CNTN5: variants seen among roughly 807,000 people sequenced by gnomAD.
The protein encoded by CNTN5 is contactin-5.
In CNTN5, 77 loss-of-function variants were observed where a neutral mutation model predicts 129.1. That is an observed-to-expected ratio of 0.60 (90% CI 0.50 to 0.72). The LOEUF is 0.72. Ranked by LOEUF, CNTN5 falls within the 30% of genes least tolerant of loss-of-function variation. The pLI is 0.00. For synonymous variants in CNTN5, 509 were observed against 465.6 expected (o/e 1.09, Z -1.20); for missense variants, 1,478 against 1,328.8 (o/e 1.11, Z -1.75).
chr11:99,558,151 A>G (rs1397273655), intron 3 of CNTN5: 1 of 189,840 alleles, frequency 5.3e-6, no homozygotes, highest in Non-Finnish European at 1.1e-5. Flanking sequence ...ATGGTTACTT[A>G]AAAAAGAAAT....
At chr11:99,372,225 TGA>T (rs1183016620) in intron 2 of CNTN5, among the ~76,000 whole-genome samples, 3 of 152,228 alleles carry the variant, frequency 2.0e-5, no homozygotes, top group African/African-American at 4.8e-5. Flanking sequence ...TTTATGTATG[TGA>T]GTTTCCATTT....
intron 23 of CNTN5, among the ~76,000 whole-genome samples, chr11:100,344,157 T>C (rs1952227992): frequency 6.6e-6 from 1 of 152,062 alleles, no homozygotes; most frequent in African/African-American, 2.4e-5. Flanking sequence ...AAATGCATAT[T>C]GTGTGGAGGT....
chr11:99,897,769 A>G (rs1403624883), intron 6 of CNTN5, among the ~76,000 whole-genome samples: 1 of 152,176 alleles, frequency 6.6e-6, no homozygotes, highest in Admixed American at 6.6e-5. Context: ...TAACAACACT[A>G]TGTCAGGAAT....
chr11:100,271,711 T>C (rs530434928), intron 18 of CNTN5, among the ~76,000 whole-genome samples: 1 of 152,318 alleles, frequency 6.6e-6, no homozygotes, highest in East Asian at 1.9e-4. Flanking sequence ...TGCCCTTCCT[T>C]GACCTACTGC....
At chr11:99,899,267 A>C (rs965969115) in intron 6 of CNTN5, among the ~76,000 whole-genome samples, 2 of 151,966 alleles carry the variant, frequency 1.3e-5, no homozygotes, top group Non-Finnish European at 2.9e-5. Flanking sequence ...ATTATATTGA[A>C]TAGAATTAGT....
At chr11:100,275,839 T>C (rs930431549) in intron 18 of CNTN5, among the ~76,000 whole-genome samples, 1 of 152,226 alleles carries the variant, frequency 6.6e-6, no homozygotes, top group African/African-American at 2.4e-5. Context: ...ACTGTGGTAC[T>C]ACATAGGGTT....
chr11:99,588,311 TC>T (rs1052947904), intron 3 of CNTN5, among the ~76,000 whole-genome samples: 2 of 124,626 alleles, frequency 1.6e-5, no homozygotes, highest in Non-Finnish European at 3.1e-5. Flanking sequence ...GCCACTGCAC[TC>T]CAGCCTGGGC....
At chr11:99,146,345 T>C (rs1051347023) in intron 1 of CNTN5, among the ~76,000 whole-genome samples, 3 of 152,168 alleles carry the variant, frequency 2.0e-5, no homozygotes, top group Non-Finnish European at 4.4e-5. Flanking sequence ...GGATAAATTA[T>C]GTATTACACA....
At chr11:99,960,111 G>T (rs1329440897) in intron 8 of CNTN5, among the ~76,000 whole-genome samples, 1 of 152,092 alleles carries the variant, frequency 6.6e-6, no homozygotes, top group Non-Finnish European at 1.5e-5. Flanking sequence ...GAAAATATCT[G>T]CACGTCTTGG....
chr11:99,401,894 C>G (rs1243578687), intron 2 of CNTN5, among the ~76,000 whole-genome samples: 3 of 151,708 alleles, frequency 2.0e-5, no homozygotes, highest in African/African-American at 7.3e-5. Context: ...TATAGAAATT[C>G]TATTGATTTT....
At chr11:99,959,990 C>A (rs897792826) in intron 8 of CNTN5, among the ~76,000 whole-genome samples, 1 of 151,916 alleles carries the variant, frequency 6.6e-6, no homozygotes, top group African/African-American at 2.4e-5. Flanking sequence ...AAAACAAAAA[C>A]CCACAAAATC....
intron 6 of CNTN5, among the ~76,000 whole-genome samples, chr11:99,879,557 C>A (rs1347446544): frequency 6.6e-6 from 1 of 152,104 alleles, no homozygotes; most frequent in Non-Finnish European, 1.5e-5. Context: ...TTACTTCTGT[C>A]TACATCATAC....
At chr11:99,422,518 TTA>T (rs71046684) in intron 2 of CNTN5, among the ~76,000 whole-genome samples, 286 of 83,368 alleles carry the variant, frequency 3.4e-3, no homozygotes, top group African/African-American at 6.6e-3. Flanking sequence ...CTTTATATTT[TTA>T]TATATATATA....
At chr11:99,074,493 A>C (rs1865479264) in intron 1 of CNTN5, among the ~76,000 whole-genome samples, 1 of 152,156 alleles carries the variant, frequency 6.6e-6, no homozygotes, top group South Asian at 2.1e-4. Context: ...AAAGACTTCA[A>C]GAATATTTTT....
intron 3 of CNTN5, among the ~76,000 whole-genome samples, chr11:99,684,086 A>G (rs1443083755): frequency 1.3e-5 from 2 of 151,736 alleles, no homozygotes; most frequent in Non-Finnish European, 3.0e-5. Flanking sequence ...TACTCAACAT[A>G]TTCCCATGCC....
At chr11:99,995,027 A>T (rs1332063178) in intron 8 of CNTN5, among the ~76,000 whole-genome samples, 1 of 152,192 alleles carries the variant, frequency 6.6e-6, no homozygotes, top group African/African-American at 2.4e-5. Context: ...GTCGTTAAAC[A>T]TTTGTTTTTG....
In CNTN5 at chr11:99,517,898, C is replaced by T. The variant is rs142833906; in HGVS notation, c.-70-38247C>T. On this transcript the variant is annotated intron_variant, in intron 2 of 24. Transcript: ENST00000524871. ...ACAATGTTATATTTTGTGTGCAAACCTGGTAACTAGCATATTTCTTGGGAC... is the reference window on the plus strand; with the variant it reads ...ACAATGTTATATTTTGTGTGCAAACTTGGTAACTAGCATATTTCTTGGGAC... Among the ~76,000 whole-genome samples, 296 of 152,096 alleles carry T rather than the reference C, an allele frequency of 1.9e-3. 2 individuals carry two copies. Among genetic ancestry groups the T allele is most frequent in the Middle Eastern group, 3.4e-3 (1 of 294 alleles).
At chr11:99,099,336 C>G (rs1866614937) in intron 1 of CNTN5, among the ~76,000 whole-genome samples, 2 of 152,034 alleles carry the variant, frequency 1.3e-5, no homozygotes, top group Admixed American at 6.6e-5. Context: ...TGACTATACT[C>G]CACAAATTTT....
intron 1 of CNTN5, among the ~76,000 whole-genome samples, chr11:99,042,365 C>CTTTT (rs1210153589): frequency 0.012 from 978 of 83,816 alleles, 68 homozygotes; most frequent in East Asian, 0.054. Flanking sequence ...TCTTCTTCTT[C>CTTTT]TTTTTTTTTT....
Sources: gnomAD v4.1 joint callset for allele counts (sites outside exome capture counted in the v4.1 genomes callset) on GRCh38, gnomAD v4.1.1 for gene constraint, MANE v1.5 for transcripts, NCBI Gene and HGNC (gene_info 2026-07-23, HGNC 2026-07-21) for gene names.